BBS2: variants seen among roughly 807,000 people sequenced by gnomAD.
BBS2 encodes the protein Bardet-Biedl syndrome 2.
BBS2 carries 62 observed loss-of-function variants against 83.0 expected under a neutral mutation model. The observed-to-expected ratio is 0.75, with a 90% CI of 0.61 to 0.92. The LOEUF (loss-of-function observed/expected upper bound fraction) is 0.92. Ranked by LOEUF, BBS2 falls within the 40% of genes least tolerant of loss-of-function variation. The pLI is 0.00. For missense variants in BBS2, 784 were observed against 901.0 expected, an observed-to-expected ratio of 0.87 and a Z score of 1.66; for synonymous variants, 303 against 326.1, an observed-to-expected ratio of 0.93 and a Z score of 0.76.
At chr16:56,480,337 T>TCACA (rs201236493), downstream of BBS2, among the ~76,000 whole-genome samples, 76 of 66,588 alleles carry the variant, frequency 1.1e-3, no homozygotes, top group Middle Eastern at 8.2e-3. Flanking sequence ...GAACACCCCC[T>TCACA]CACACACACA....
At chr16:56,516,726 G>A (rs1008775023) in intron 1 of BBS2, among the ~76,000 whole-genome samples, 2 of 152,066 alleles carry the variant, frequency 1.3e-5, no homozygotes, top group Non-Finnish European at 1.5e-5. Context: ...TCCTTGCTAA[G>A]GCTCAGAGTC....
At chr16:56,507,583 T>C (rs1964455405) in intron 5 of BBS2, among the ~76,000 whole-genome samples, 1 of 152,074 alleles carries the variant, frequency 6.6e-6, no homozygotes, top group South Asian at 2.1e-4. Flanking sequence ...TGTTTTTTTT[T>C]GGTGGTGGGG....
At chr16:56,474,706 C>A in intron 17 of BBS2, 1 of 700,380 alleles carries the variant, frequency 1.4e-6, no homozygotes, top group Non-Finnish European at 2.3e-6. Context: ...GCACTTCAAT[C>A]AAAGGTTTGT....
At chr16:56,518,712 G>T (rs1014551722) in intron 1 of BBS2, among the ~76,000 whole-genome samples, 1 of 152,162 alleles carries the variant, frequency 6.6e-6, no homozygotes, top group Non-Finnish European at 1.5e-5. Context: ...ATGTATTTTG[G>T]GCATGCCTCC....
chr16:56,513,086 A>T (rs1458426724), intron 2 of BBS2, among the ~76,000 whole-genome samples: 8 of 152,224 alleles, frequency 5.3e-5, no homozygotes, highest in African/African-American at 1.9e-4. Flanking sequence ...CATGAGGTCA[A>T]GGCTGCAGTA....
intron 4 of BBS2, 55 bp from the exon 5 acceptor site, chr16:56,510,089 CT>C: frequency 6.4e-7 from 1 of 1,565,406 alleles, no homozygotes; most frequent in Non-Finnish European, 8.8e-7. Flanking sequence ...AACAAAATTT[CT>C]GTAAACAAAA....
intron 12 of BBS2, chr16:56,498,801 A>G: frequency 8.6e-7 from 1 of 1,159,132 alleles, no homozygotes; most frequent in Non-Finnish European, 1.2e-6. Flanking sequence ...CTCTTAAGTA[A>G]CATTCATAAT....
intron 3 of BBS2, 32 bp from the exon 4 acceptor site, chr16:56,510,953 C>T: frequency 6.2e-7 from 1 of 1,610,000 alleles, no homozygotes; most frequent in Non-Finnish European, 8.5e-7. Context: ...ATTAGCATGC[C>T]ATCGTTTCTC....
chr16:56,497,450 C>A, intron 14 of BBS2: 1 of 507,674 alleles, frequency 2.0e-6, no homozygotes, highest in Admixed American at 3.3e-5. Context: ...CTGAAGAAGA[C>A]CAAAGCAGAT....
downstream of BBS2, among the ~76,000 whole-genome samples, chr16:56,482,669 A>G (rs1963682587): frequency 6.6e-6 from 1 of 152,234 alleles, no homozygotes; most frequent in Non-Finnish European, 1.5e-5. Flanking sequence ...TACTAACCTC[A>G]GGGAAATGCT....
At chr16:56,491,988 A>G (rs1377361089) in intron 15 of BBS2, among the ~76,000 whole-genome samples, 1 of 151,874 alleles carries the variant, frequency 6.6e-6, no homozygotes, top group African/African-American at 2.4e-5. Context: ...TGTTGATTAC[A>G]ATGAAAAATG....
At chr16:56,508,985 A>G (rs537599858) in intron 5 of BBS2, among the ~76,000 whole-genome samples, 2 of 152,310 alleles carry the variant, frequency 1.3e-5, no homozygotes, top group South Asian at 2.1e-4. Flanking sequence ...ATATTAAGAA[A>G]TATCTCAGGT....
At position 56,502,452 on chromosome 16, in the gene BBS2, C is replaced by T. The variant is rs2288057; in HGVS notation, c.945G>A (p.Arg315=). 1.4e-5 allele frequency: 23 copies of T among 1,614,208 alleles called. No individual in the cohort carries two copies. The East Asian group carries it at 5.1e-4, about 36-fold the overall frequency. Residue 315 remains arginine, a synonymous_variant, in exon 9 of 17, where the codon CGG becomes CGA. Transcript: ENST00000245157. ...TCTCAGCCGTGCCAGGCAGGTAGCC[C>T]CGGACTGAACAGAAGGAAAAAACCG... ...LICCSVDGEI[R]GYLPGTAEMR...
intron 9 of BBS2, 103 bp from the exon 10 acceptor site, chr16:56,501,600 C>T (rs1220464413): frequency 7.1e-7 from 1 of 1,401,500 alleles, no homozygotes; most frequent in Admixed American, 1.8e-5. Context: ...GAGCCTCCAG[C>T]ATATTATTAT....
At chr16:56,503,943 T>C (rs1964353774) in intron 7 of BBS2, among the ~76,000 whole-genome samples, 1 of 151,410 alleles carries the variant, frequency 6.6e-6, no homozygotes, top group African/African-American at 2.4e-5. Flanking sequence ...AAGATGATTA[T>C]GTTCCAGGCA....
intron 17 of BBS2, among the ~76,000 whole-genome samples, chr16:56,471,515 T>C (rs1237234265): frequency 6.6e-6 from 1 of 152,196 alleles, no homozygotes; most frequent in African/African-American, 2.4e-5. Context: ...ATTGGCACCA[T>C]TAAAAAGTAG....
At chr16:56,493,476 T>C (rs532209163) in intron 15 of BBS2, among the ~76,000 whole-genome samples, 1 of 151,948 alleles carries the variant, frequency 6.6e-6, no homozygotes, top group Admixed American at 6.6e-5. Context: ...GGTGTGTGTG[T>C]ATATATCTGT....
chr16:56,517,639 G>A (rs970628662), intron 1 of BBS2, among the ~76,000 whole-genome samples: 1 of 152,116 alleles, frequency 6.6e-6, no homozygotes, highest in East Asian at 1.9e-4. Context: ...GCTCCAAGGG[G>A]GCAAAAACTT....
At position 56,484,708 on chromosome 16, in the gene BBS2, G is replaced by C. The variant is rs1052406766; in HGVS notation, c.*53C>G. The C allele has an allele frequency of 6.6e-7, 1 of 1,523,822 alleles. No homozygotes were observed. Among genetic ancestry groups the C allele is most frequent in the Non-Finnish European group, 9.1e-7 (1 of 1,100,874 alleles). The allele number at this position is 1,523,822 out of a possible 1,614,324, so 94.4% of individuals were successfully genotyped here. ...GTGTGATCCAAAGCAAACCAGCATA[G>C]GTTTTTAACAGAAAATCTTTGCCAG... On this transcript the variant is annotated 3_prime_UTR_variant, in exon 17 of 17. Transcript: ENST00000245157.
Sources: gnomAD v4.1 joint callset for allele counts (sites outside exome capture counted in the v4.1 genomes callset) on GRCh38, gnomAD v4.1.1 for gene constraint, MANE v1.5 for transcripts, NCBI Gene and HGNC (gene_info 2026-07-23, HGNC 2026-07-21) for gene names.